CCDC73: variants seen among roughly 807,000 people sequenced by gnomAD.
CCDC73 encodes the protein coiled-coil domain containing 73.
Under a neutral mutation model 116.5 loss-of-function variants are expected in CCDC73, and 95 were observed. The observed-to-expected ratio is 0.82, with a 90% CI of 0.69 to 0.97. The LOEUF (loss-of-function observed/expected upper bound fraction) is 0.97. Ranked by LOEUF, CCDC73 falls within the 50% of genes least tolerant of loss-of-function variation. The pLI, the probability that CCDC73 is intolerant of heterozygous loss-of-function variation, is 0.00. For synonymous variants in CCDC73, 398 were observed against 401.3 expected, an observed-to-expected ratio of 0.99 and a Z score of 0.10; for missense variants, 1,066 against 1,206.8, an observed-to-expected ratio of 0.88 and a Z score of 1.73.
intron 7 of CCDC73, chr11:32,682,056 C>T (rs1856150407): frequency 6.6e-6 from 1 of 150,850 alleles, no homozygotes; most frequent in African/African-American, 2.4e-5. Flanking sequence ...TTGTAATTCA[C>T]AATAACAAAA....
At chr11:32,742,387 T>A (rs1850196103) in intron 2 of CCDC73, among the ~76,000 whole-genome samples, 1 of 152,232 alleles carries the variant, frequency 6.6e-6, no homozygotes, top group Non-Finnish European at 1.5e-5. Context: ...GGCTTTGATT[T>A]GCATTTCTCT....
intron 7 of CCDC73, chr11:32,681,259 G>A (rs905031063): frequency 2.0e-5 from 3 of 151,846 alleles, no homozygotes; most frequent in Non-Finnish European, 4.4e-5. Context: ...CACAGACACC[G>A]ATAAATTCAA....
chr11:32,619,233 C>A (rs759801205), intron 14 of CCDC73, among the ~76,000 whole-genome samples: 1 of 151,986 alleles, frequency 6.6e-6, no homozygotes, highest in South Asian at 2.1e-4. Context: ...GTCATAAATT[C>A]TTTCCCAAGG....
chr11:32,822,927 G>T, the CCDC73 span, among the ~76,000 whole-genome samples: 3 of 151,998 alleles, frequency 2.0e-5, no homozygotes, highest in African/African-American at 4.8e-5. Context: ...CTCATAGTAG[G>T]TTCAATACAT....
At chr11:32,769,566 A>C (rs1007538629) in intron 1 of CCDC73, among the ~76,000 whole-genome samples, 7 of 152,158 alleles carry the variant, frequency 4.6e-5, no homozygotes, top group African/African-American at 1.7e-4. Context: ...AAATCACAAA[A>C]CCAGCAAAGA....
At chr11:32,735,177 A>G (rs1850117483) in intron 2 of CCDC73, among the ~76,000 whole-genome samples, 2 of 152,224 alleles carry the variant, frequency 1.3e-5, no homozygotes, top group South Asian at 4.1e-4. Flanking sequence ...CAGGGCAATC[A>G]GACAGGAGAA....
At chr11:32,639,162 C>CT (rs1030679265) in intron 13 of CCDC73, among the ~76,000 whole-genome samples, 1 of 151,500 alleles carries the variant, frequency 6.6e-6, no homozygotes, top group Non-Finnish European at 1.5e-5. Flanking sequence ...GACACCCCCC[C>CT]CAAAAAATCC....
At chr11:32,800,332 A>G in the CCDC73 span, among the ~76,000 whole-genome samples, 2 of 151,956 alleles carry the variant, frequency 1.3e-5, no homozygotes, top group African/African-American at 4.8e-5. Flanking sequence ...CATGGGAGAA[A>G]AAGTCAAACA....
rs1478926981 is a variant in CCDC73, at chr11:32,607,079, AATTTTTTTTTTTTT to A, written c.3030+4039_3030+4052del. On this transcript the variant is annotated intron_variant, in intron 17 of 17. Coordinates refer to ENST00000335185, the MANE Select transcript of CCDC73 (RefSeq NM_001008391.4). ...AGCCCACCACGCCCAGCCAAAAATA[AATTTTTTTTTTTTT>A]TTTTTTTTTTTTTTTTTGAGACGGA... 7.7e-3 allele frequency among the ~76,000 whole-genome samples: 919 copies of A among 119,238 alleles called. 12 individuals carry two copies. Among genetic ancestry groups the A allele is most frequent in the African/African-American group, 0.03 (886 of 29,512 alleles). The allele number at this position is 119,238 out of a possible 152,430, so 78.2% of individuals were successfully genotyped here.
At chr11:32,784,740 A>C (rs934789213) in intron 1 of CCDC73, among the ~76,000 whole-genome samples, 2 of 152,196 alleles carry the variant, frequency 1.3e-5, no homozygotes, top group African/African-American at 4.8e-5. Context: ...AGTATAAATG[A>C]TTTTGTCCTC....
intron 3 of CCDC73, among the ~76,000 whole-genome samples, chr11:32,705,869 C>T (rs1472151826): frequency 1.3e-5 from 2 of 152,046 alleles, no homozygotes; most frequent in African/African-American, 4.8e-5. Flanking sequence ...AATTATTATG[C>T]AATATTGAGC....
At chr11:32,641,695 TTA>T (rs1383817044) in intron 13 of CCDC73, among the ~76,000 whole-genome samples, 14 of 117,940 alleles carry the variant, frequency 1.2e-4, no homozygotes, top group South Asian at 5.6e-4. Flanking sequence ...GGGGCTCAAA[TTA>T]TATATATATA....
At chr11:32,664,834 T>G (rs986826895) in intron 9 of CCDC73, among the ~76,000 whole-genome samples, 1 of 152,236 alleles carries the variant, frequency 6.6e-6, no homozygotes, top group Non-Finnish European at 1.5e-5. Flanking sequence ...TTTAAATGTG[T>G]CCCAGAGATT....
At chr11:32,790,813 C>G (rs904510760) in intron 1 of CCDC73, among the ~76,000 whole-genome samples, 3 of 152,016 alleles carry the variant, frequency 2.0e-5, no homozygotes, top group African/African-American at 7.2e-5. Context: ...AAATAAGCTA[C>G]TAAATGTACT....
chr11:32,796,707 G>A (rs1465617614), upstream of CCDC73, among the ~76,000 whole-genome samples: 1 of 152,138 alleles, frequency 6.6e-6, no homozygotes, highest in African/African-American at 2.4e-5. Context: ...AGGATGTGAT[G>A]CCCTTATAAA....
At position 32,755,979 on chromosome 11, in the gene CCDC73, CTA is replaced by C. The variant is rs761029544; in HGVS notation, c.135+4128_135+4129del. ...TATATATATATCTCCATATATATATCTATATATATATCTCCATATATATATCT... is the reference window on the plus strand; with the variant it reads ...TATATATATATCTCCATATATATATCTATATATATCTCCATATATATATCT... On this transcript the variant is annotated intron_variant, in intron 2 of 17. Coordinates refer to ENST00000335185, the MANE Select transcript of CCDC73 (RefSeq NM_001008391.4). 7.7e-4 allele frequency among the ~76,000 whole-genome samples: 4 copies of C among 5,172 alleles called. 1 individual carries two copies. Among genetic ancestry groups the C allele is most frequent in the East Asian group, 0.12 (2 of 16 alleles). The allele number at this position is 5,172 out of a possible 152,430, so 3.4% of individuals were successfully genotyped here. A position where few individuals can be genotyped will look rare whatever the true frequency, so the allele number is the denominator to read the frequency against.
At chr11:32,664,092 T>C (rs530150412) in intron 9 of CCDC73, among the ~76,000 whole-genome samples, 1 of 152,350 alleles carries the variant, frequency 6.6e-6, no homozygotes, top group East Asian at 1.9e-4. Context: ...CACTATTTTA[T>C]TGAGGATTTT....
intron 3 of CCDC73, among the ~76,000 whole-genome samples, chr11:32,706,891 A>C (rs1228146586): frequency 6.6e-6 from 1 of 151,980 alleles, no homozygotes; most frequent in Non-Finnish European, 1.5e-5. Flanking sequence ...CCTGTTTTTT[A>C]TTTTCCTTTT....
intron 9 of CCDC73, among the ~76,000 whole-genome samples, chr11:32,658,023 TAA>T (rs11309519): frequency 1.7e-4 from 22 of 133,014 alleles, no homozygotes; most frequent in South Asian, 2.4e-4. Flanking sequence ...CTAGTCTCTT[TAA>T]AAAAAAAAAA....
Sources: allele counts gnomAD v4.1 joint callset (sites outside exome capture counted in the v4.1 genomes callset), GRCh38; gene constraint gnomAD v4.1.1; transcripts MANE v1.5; gene names NCBI Gene and HGNC (gene_info 2026-07-23, HGNC 2026-07-21).